The following FCHSD2 variants were observed in gnomAD, a reference collection of about 807,000 sequenced individuals.
FCHSD2 encodes the protein FCH and double SH3 domains 2.
In FCHSD2, 38 loss-of-function variants were observed where a neutral mutation model predicts 108.1. The ratio of observed to expected loss-of-function variants is 0.35; its 90% CI spans 0.27 to 0.46. The LOEUF is 0.46. FCHSD2 is among the 20% of genes least tolerant of loss of function. The pLI is 1.00. For synonymous variants in FCHSD2, 279 were observed against 314.7 expected (o/e 0.89, Z 1.20); for missense variants, 751 against 897.8 (o/e 0.84, Z 2.09).
intron 4 of FCHSD2, among the ~76,000 whole-genome samples, chr11:73,005,195 G>A (rs1186877547): frequency 6.6e-6 from 1 of 152,080 alleles, no homozygotes; most frequent in Non-Finnish European, 1.5e-5. Flanking sequence ...CTCACCAGCT[G>A]CCACCCTAAT....
intron 14 of FCHSD2, among the ~76,000 whole-genome samples, chr11:72,844,235 G>A (rs1565283713): frequency 6.6e-6 from 1 of 152,132 alleles, no homozygotes; most frequent in Non-Finnish European, 1.5e-5. Context: ...GCTACCAGAG[G>A]GCTCCCATGG....
chr11:72,997,538 A>G lies in FCHSD2; in HGVS notation c.387+3452T>C, dbSNP rs537347926. On this transcript the variant is annotated intron_variant, in intron 5 of 19. Transcript: ENST00000409418. ...CCGCAGGCGGTTAAAAGAGACCTAC[A>G]GTAATTCAGATAGTGAAATTATATA... Among the ~76,000 whole-genome samples the G allele has an allele frequency of 1.2e-4, 19 of 152,362 alleles. No homozygotes were observed. In the South Asian group the frequency reaches 3.9e-3, roughly 32 times the overall value.
intron 4 of FCHSD2, among the ~76,000 whole-genome samples, chr11:73,003,254 C>G (rs1857663459): frequency 6.6e-6 from 1 of 152,050 alleles, no homozygotes; most frequent in Non-Finnish European, 1.5e-5. Flanking sequence ...CCTCAACTGG[C>G]AAATGGAGAA....
At chr11:72,978,309 T>TA (rs1186789086) in intron 8 of FCHSD2, among the ~76,000 whole-genome samples, 1 of 149,426 alleles carries the variant, frequency 6.7e-6, no homozygotes, top group Non-Finnish European at 1.5e-5. Flanking sequence ...TAAAGTATAA[T>TA]AAAAAAAGAA....
At chr11:73,045,664 A>G (rs1407594901) in intron 3 of FCHSD2, among the ~76,000 whole-genome samples, 2 of 150,982 alleles carry the variant, frequency 1.3e-5, no homozygotes, top group Non-Finnish European at 2.9e-5. Context: ...AAACTATCGC[A>G]AGAACAAAAA....
At chr11:72,849,379 A>G in intron 14 of FCHSD2, among the ~76,000 whole-genome samples, 1 of 152,240 alleles carries the variant, frequency 6.6e-6, no homozygotes, top group East Asian at 1.9e-4. Context: ...ATGAAAATAA[A>G]TAAGATTAAG....
At chr11:72,992,317 C>T (rs953944902) in intron 5 of FCHSD2, among the ~76,000 whole-genome samples, 154 of 152,230 alleles carry the variant, frequency 1.0e-3, no homozygotes, top group African/African-American at 3.3e-3. Flanking sequence ...GAATCAATAT[C>T]GTGAAAATGA....
chr11:72,940,382 ATT>A (rs1856391126), intron 8 of FCHSD2: 1 of 468,688 alleles, frequency 2.1e-6, no homozygotes, highest in African/African-American at 2.0e-5. Flanking sequence ...GTTACCAAAT[ATT>A]GTTTTAATAT....
At chr11:72,872,055 A>G (rs1030102852) in intron 12 of FCHSD2, among the ~76,000 whole-genome samples, 4 of 152,056 alleles carry the variant, frequency 2.6e-5, no homozygotes, top group African/African-American at 9.7e-5. Flanking sequence ...GTAAAACATT[A>G]CATAAAATTT....
At chr11:73,023,338 C>T (rs1238144655) in intron 3 of FCHSD2, among the ~76,000 whole-genome samples, 1 of 151,908 alleles carries the variant, frequency 6.6e-6, no homozygotes, top group Non-Finnish European at 1.5e-5. Context: ...TAAAATTCAA[C>T]AGTAAGAAAA....
At chr11:73,091,562 A>C (rs1318727300) in intron 2 of FCHSD2, among the ~76,000 whole-genome samples, 1 of 152,030 alleles carries the variant, frequency 6.6e-6, no homozygotes. Context: ...AAAAAGAAAA[A>C]AGAAAAGAAA....
intron 2 of FCHSD2, among the ~76,000 whole-genome samples, chr11:73,107,638 G>C (rs553614222): frequency 6.6e-6 from 1 of 152,018 alleles, no homozygotes; most frequent in African/African-American, 2.4e-5. Context: ...TTCTACTCTC[G>C]AGTTCCATGA....
At chr11:73,126,206 C>A (rs1320319651) in intron 2 of FCHSD2, among the ~76,000 whole-genome samples, 1 of 151,468 alleles carries the variant, frequency 6.6e-6, no homozygotes, top group African/African-American at 2.4e-5. Context: ...CAGGCATAGT[C>A]ATGGGTACCA....
intron 3 of FCHSD2, among the ~76,000 whole-genome samples, chr11:73,045,517 C>T (rs1270679553): frequency 6.6e-6 from 1 of 151,916 alleles, no homozygotes; most frequent in Non-Finnish European, 1.5e-5. Flanking sequence ...TGGAACCAAC[C>T]CAGATGTCCA....
At chr11:72,954,352 G>A (rs140752948) in intron 8 of FCHSD2, among the ~76,000 whole-genome samples, 207 of 151,924 alleles carry the variant, frequency 1.4e-3, no homozygotes, top group African/African-American at 4.8e-3. Context: ...GGGACCACAG[G>A]TGCATGCCAC....
intron 13 of FCHSD2, among the ~76,000 whole-genome samples, chr11:72,851,911 C>G (rs1861300024): frequency 7.5e-6 from 1 of 133,532 alleles, no homozygotes. Flanking sequence ...GGGTCTTGCT[C>G]TGTTATCCAG....
chr11:73,108,380 C>T (rs918979495), intron 2 of FCHSD2, among the ~76,000 whole-genome samples: 1 of 152,272 alleles, frequency 6.6e-6, no homozygotes, highest in East Asian at 1.9e-4. Flanking sequence ...TTGATTGTTT[C>T]CTTTGCTGTA....
intron 9 of FCHSD2, among the ~76,000 whole-genome samples, chr11:72,916,968 C>CTTTTTTTTTTTTTT (rs71062793): frequency 2.5e-5 from 3 of 118,800 alleles, no homozygotes; most frequent in African/African-American, 9.8e-5. Context: ...GAACTTCATT[C>CTTTTTTTTTTTTTT]TTTTTTTTTT....
chr11:72,838,976 C>G (rs1376992787), intron 19 of FCHSD2, 102 bp from the exon 20 acceptor site: 2 of 959,382 alleles, frequency 2.1e-6, no homozygotes, highest in Non-Finnish European at 3.2e-6. Flanking sequence ...CATGGGCACC[C>G]TAGGGGTCTC....
Sources: gnomAD v4.1 joint callset for allele counts (sites outside exome capture counted in the v4.1 genomes callset) on GRCh38, gnomAD v4.1.1 for gene constraint, MANE v1.5 for transcripts, NCBI Gene and HGNC (gene_info 2026-07-23, HGNC 2026-07-21) for gene names.